KIF26B: variants seen among roughly 807,000 people sequenced by gnomAD.
The protein encoded by KIF26B is kinesin family member 26B, also known as kinesin-like protein KIF26B.
In KIF26B, 63 loss-of-function variants were observed where a neutral mutation model predicts 151.2. The observed-to-expected ratio is 0.42, with a 90% CI of 0.34 to 0.51. The LOEUF (loss-of-function observed/expected upper bound fraction) is 0.51. KIF26B is among the 20% of genes least tolerant of loss of function. The pLI is 0.07. For missense variants in KIF26B, 2,813 were observed against 2,913.6 expected, an observed-to-expected ratio of 0.97 and a Z score of 0.79; for synonymous variants, 1,357 against 1,262.1, an observed-to-expected ratio of 1.08 and a Z score of -1.59.
In KIF26B at chr1:245,704,971, C is replaced by T. The variant is rs758918469; in HGVS notation, c.*2365C>T. On this transcript the variant is annotated 3_prime_UTR_variant, in exon 15 of 15. Coordinates refer to ENST00000407071, the MANE Select transcript of KIF26B (RefSeq NM_018012.4). ...GCTTTCGCCCCTGCCACATCCTCCCCTGAGGTTCCTTCCATGCTGCACTGC... is the reference window on the plus strand; with the variant it reads ...GCTTTCGCCCCTGCCACATCCTCCCTTGAGGTTCCTTCCATGCTGCACTGC... 6.6e-6 allele frequency: 1 copy of T among 152,292 alleles called. No homozygotes were observed. Among genetic ancestry groups the T allele is most frequent in the African/African-American group, 2.4e-5 (1 of 41,478 alleles). 9.4% of individuals were successfully genotyped at this position (152,292 alleles called of 1,614,324 possible).
At chr1:245,440,756 T>C (rs948599685) in intron 4 of KIF26B, among the ~76,000 whole-genome samples, 5 of 152,236 alleles carry the variant, frequency 3.3e-5, no homozygotes, top group African/African-American at 1.2e-4. Context: ...CCGAGCACTT[T>C]TATCATGTAA....
At chr1:245,655,035 C>T (rs2044058596) in intron 10 of KIF26B, among the ~76,000 whole-genome samples, 2 of 152,218 alleles carry the variant, frequency 1.3e-5, no homozygotes, top group African/African-American at 2.4e-5. Context: ...TTTCTTCAGA[C>T]TGAGCTCCCA....
intron 9 of KIF26B, among the ~76,000 whole-genome samples, chr1:245,625,974 G>A (rs564691668): frequency 6.6e-6 from 1 of 152,110 alleles, no homozygotes; most frequent in Non-Finnish European, 1.5e-5. Flanking sequence ...TGCTACAAAT[G>A]ACAGGATTTG....
At chr1:245,261,785 T>C (rs1473751718) in intron 2 of KIF26B, among the ~76,000 whole-genome samples, 1 of 151,344 alleles carries the variant, frequency 6.6e-6, no homozygotes, top group South Asian at 2.1e-4. Flanking sequence ...GGTTTTGCCA[T>C]GTGCCCAGGC....
At chr1:245,322,211 G>A (rs188068364) in intron 2 of KIF26B, among the ~76,000 whole-genome samples, 19 of 152,122 alleles carry the variant, frequency 1.2e-4, no homozygotes, top group Admixed American at 8.5e-4. Flanking sequence ...ATCACACACC[G>A]GGGCCTGTGG....
chr1:245,291,682 C>T (rs1388607599), intron 2 of KIF26B, among the ~76,000 whole-genome samples: 1 of 151,872 alleles, frequency 6.6e-6, no homozygotes, highest in Non-Finnish European at 1.5e-5. Flanking sequence ...CTAGAAACTA[C>T]GAAATGGATG....
At chr1:245,514,977 G>A (rs1341502096) in intron 4 of KIF26B, among the ~76,000 whole-genome samples, 1 of 152,204 alleles carries the variant, frequency 6.6e-6, no homozygotes. Flanking sequence ...CTTTCCAACA[G>A]AGGACCCAGA....
chr1:245,618,392 A>C (rs2043616846), intron 9 of KIF26B, among the ~76,000 whole-genome samples: 1 of 150,354 alleles, frequency 6.7e-6, no homozygotes, highest in South Asian at 2.1e-4. Context: ...ACAGAGTGCC[A>C]CCGTCCTGGG....
Position 245,569,927 on chromosome 1 carries a change from ATTTTTTTTTTT to A in KIF26B, c.1350+28993_1350+29003del, listed in dbSNP as rs869238168. ...GGGAAACCTACGTTGTAAATAGAGA[ATTTTTTTTTTT>A]TTTTTTTTTTTTTTTGAGACGGAGT... On this transcript the variant is annotated intron_variant, in intron 5 of 14. Coordinates refer to ENST00000407071, the MANE Select transcript of KIF26B (RefSeq NM_018012.4). 7.6e-4 allele frequency among the ~76,000 whole-genome samples: 36 copies of A among 47,664 alleles called. 2 individuals are homozygous for A. The highest frequency in any genetic ancestry group is 3.1e-3 in the African/African-American group (36 of 11,564). 31.3% of individuals were successfully genotyped at this position (47,664 alleles called of 152,430 possible).
At chr1:245,503,701 G>T (rs2103080234) in intron 4 of KIF26B, among the ~76,000 whole-genome samples, 1 of 152,342 alleles carries the variant, frequency 6.6e-6, no homozygotes, top group South Asian at 2.1e-4. Context: ...GGTGATGGGT[G>T]TGTTGGAAGC....
intron 4 of KIF26B, among the ~76,000 whole-genome samples, chr1:245,491,219 C>G (rs1487444142): frequency 1.3e-5 from 2 of 151,998 alleles, no homozygotes; most frequent in African/African-American, 4.8e-5. Context: ...GATGTAGGAC[C>G]TAAAAAATTT....
chr1:245,286,716 T>C (rs1419377058), intron 2 of KIF26B, among the ~76,000 whole-genome samples: 2 of 152,240 alleles, frequency 1.3e-5, no homozygotes, highest in South Asian at 2.1e-4. Flanking sequence ...GTGGTGGCTA[T>C]TCATAAATTA....
At chr1:245,356,947 G>A (rs1319427454) in intron 2 of KIF26B, among the ~76,000 whole-genome samples, 1 of 152,218 alleles carries the variant, frequency 6.6e-6, no homozygotes, top group Admixed American at 6.5e-5. Flanking sequence ...GAGATGGCCA[G>A]GCAGATATCT....
rs150799462 is a variant in KIF26B, at chr1:245,702,032, A to G, written c.6179-426A>G. Among the ~76,000 whole-genome samples the G allele has an allele frequency of 8.1e-3, 1,228 of 152,360 alleles. 14 individuals carry two copies. The highest frequency in any genetic ancestry group is 0.028 in the African/African-American group (1,176 of 41,588). On this transcript the variant is annotated intron_variant, in intron 14 of 14. Coordinates refer to ENST00000407071, the MANE Select transcript of KIF26B (RefSeq NM_018012.4). This position sits in a 1 kb window ranked among gnomAD's most constrained non-coding sequence, Gnocchi z 4.1. ...GGTTATAATCCAGAAACGTCCTTTC[A>G]TATAAGGAAGCAGAGGTATAAATGT...
chr1:245,427,600 C>T (rs1315772198), intron 4 of KIF26B, among the ~76,000 whole-genome samples: 1 of 152,170 alleles, frequency 6.6e-6, no homozygotes, highest in African/African-American at 2.4e-5. Flanking sequence ...AAGGGTGAGA[C>T]TCTGTCTCAA....
chr1:245,155,632 G>A, intron 1 of KIF26B, 145 bp downstream of exon 1: 3 of 677,618 alleles, frequency 4.4e-6, no homozygotes, highest in Non-Finnish European at 7.2e-6. Flanking sequence ...GTGAGTGCGC[G>A]GAGGCGGGTC....
intron 2 of KIF26B, among the ~76,000 whole-genome samples, chr1:245,257,188 A>AC (rs137998613): frequency 0.017 from 2,564 of 152,086 alleles, 63 homozygotes; most frequent in African/African-American, 0.056. Context: ...GTGACCAGGA[A>AC]CCCCCTCAGC....
rs78257908 is a variant in KIF26B, at chr1:245,495,154, A to T, written c.1167-45613A>T. On this transcript the variant is annotated intron_variant, in intron 4 of 14. Transcript: ENST00000407071. The surrounding 1 kb of genome is among the most constrained non-coding windows in gnomAD (Gnocchi z 4.2). ...TCTAATAGCAGATTAGATTTAGTAC[A>T]AGACAGATTCAGTGAAATGGAATGC... Among the ~76,000 whole-genome samples the T allele has an allele frequency of 0.016, 2,414 of 149,728 alleles. 66 individuals carry two copies. Among genetic ancestry groups the T allele is most frequent in the African/African-American group, 0.058 (2,256 of 39,048 alleles).
intron 2 of KIF26B, among the ~76,000 whole-genome samples, chr1:245,204,081 C>A: frequency 6.6e-6 from 1 of 152,200 alleles, no homozygotes; most frequent in East Asian, 1.9e-4. Flanking sequence ...TCTTCACACG[C>A]AGATGCTGTA....
Sources: allele counts gnomAD v4.1 joint callset (sites outside exome capture counted in the v4.1 genomes callset), GRCh38; gene constraint gnomAD v4.1.1; non-coding constraint Gnocchi (gnomAD v3.1); transcripts MANE v1.5; gene names NCBI Gene and HGNC (gene_info 2026-07-23, HGNC 2026-07-21).